Variants in ETV3L observed in about 807,000 individuals in gnomAD.
The protein encoded by ETV3L is ETS translocation variant 3-like protein.
Under a neutral mutation model 27.6 loss-of-function variants are expected in ETV3L, and 30 were observed. That is an observed-to-expected ratio of 1.09 (90% CI 0.81 to 1.48). ETV3L has a LOEUF of 1.48. ETV3L is among the 40% of genes most tolerant of loss of function. ETV3L has a pLI of 0.00. For missense variants in ETV3L, 443 were observed against 455.6 expected (o/e 0.97, Z 0.25); for synonymous variants, 186 against 188.9 (o/e 0.98, Z 0.12).
chr1:157,097,475 A>AAG (rs1425222415), intron 4 of ETV3L, among the ~76,000 whole-genome samples: 3 of 150,664 alleles, frequency 2.0e-5, no homozygotes, highest in Non-Finnish European at 4.4e-5. Context: ...CGTCTCAAAA[A>AAG]AAAAAAAAAA....
rs968936364 is a variant in ETV3L, at chr1:157,099,752, C to G, written c.-229G>C. On this transcript the variant is annotated 5_prime_UTR_variant, in exon 1 of 5. Coordinates refer to ENST00000454449, the MANE Select transcript of ETV3L (RefSeq NM_001004341.2). ...CCAGAGGCAGCAAGCTTCCCCATAC[C>G]CAGACAGGGCCCAGCCCCCTCTGGG... 11 of 596,014 alleles carry G rather than the reference C, an allele frequency of 1.8e-5. No homozygotes were observed. In the Admixed American group the frequency reaches 3.0e-4, roughly 16 times the overall value. 36.9% of individuals were successfully genotyped at this position (596,014 alleles called of 1,614,324 possible).
chr1:157,099,207 G>C lies in ETV3L; in HGVS notation c.230C>G (p.Ala77Gly). 1.2e-6 allele frequency: 2 copies of C among 1,613,890 alleles called. No individual in the cohort carries two copies. The highest frequency in any genetic ancestry group is 1.7e-6 in the Non-Finnish European group (2 of 1,179,942). ...GCATTTCCTGCGGCCCCAGAGGCGG[G>C]CCACCTCATCTGGATCCTTGATGAC... ...EFVIKDPDEV[A>G]RLWGRRKCKP... The change falls in exon 2 of 5, where the codon GCC becomes GGC. Residue 77 changes from alanine (A) to glycine (G), a missense_variant. Physicochemically the swap from Ala to Gly is moderately conservative, Grantham distance 60 (BLOSUM62 0). Transcript: ENST00000454449.
rs143530924 is a variant in ETV3L, at chr1:157,092,860, A to G, written c.875T>C (p.Leu292Pro). The stretch of plus-strand genomic sequence containing the variant: ...AAGCCTCTCACCCGCACCCTGTCCC[A>G]GCCCTGCCAAGAGAGGAAGCCCTGG... The part of the protein sequence containing the change: ...HFPGLPLLAG[L>P]GQGAGERLWL... Residue 292 changes from leucine to proline, a missense_variant, in exon 5 of 5, where the codon CTG becomes CCG. Leu to Pro is a moderately conservative substitution (Grantham distance 98, BLOSUM62 -3). Coordinates refer to ENST00000454449, the MANE Select transcript of ETV3L (RefSeq NM_001004341.2). 1.3e-5 allele frequency: 21 copies of G among 1,614,030 alleles called. No homozygotes were observed. In the African/African-American group the frequency reaches 2.8e-4, roughly 22 times the overall value.
At chr1:157,094,301 C>T (rs6687970) in intron 4 of ETV3L, among the ~76,000 whole-genome samples, 3 of 152,262 alleles carry the variant, frequency 2.0e-5, no homozygotes, top group South Asian at 4.1e-4. Context: ...TGACGGGAGG[C>T]CCAGGGCAGG....
chr1:157,097,776 G>T, intron 4 of ETV3L, 92 bp downstream of exon 4: 1 of 1,486,680 alleles, frequency 6.7e-7, no homozygotes. Flanking sequence ...AGTATCCCTT[G>T]TCTCATGCCC....
At chr1:157,095,742 C>T (rs946461681) in intron 4 of ETV3L, among the ~76,000 whole-genome samples, 4 of 152,096 alleles carry the variant, frequency 2.6e-5, no homozygotes, top group Admixed American at 2.0e-4. Context: ...CAGCGAGTCC[C>T]AGCAGGCCCT....
At position 157,099,185 on chromosome 1, in the gene ETV3L, T is replaced by C. The variant is rs140222573; in HGVS notation, c.252A>G (p.Lys84=). ...DEVARLWGRR[K]CKPQMNYDKL... The stretch of plus-strand genomic sequence containing the variant: ...TGTCATAATTCATCTGTGGTTTGCA[T>C]TTCCTGCGGCCCCAGAGGCGGGCCA... The change falls in exon 2 of 5, where the codon AAA becomes AAG. Residue 84 remains lysine, a synonymous_variant. Coordinates refer to ENST00000454449, the MANE Select transcript of ETV3L (RefSeq NM_001004341.2). 187 of 1,613,868 alleles carry C rather than the reference T, an allele frequency of 1.2e-4. 1 individual carries two copies. In the East Asian group the frequency reaches 3.9e-3, roughly 34 times the overall value.
rs1009701753 is a variant in ETV3L at position 157,098,826 on chromosome 1, G to A, written c.366C>T (p.Ser122=). The A allele has an allele frequency of 6.2e-7, 1 of 1,614,052 alleles. No individual in the cohort carries two copies. The highest frequency in any genetic ancestry group is 1.3e-5 in the African/African-American group (1 of 74,944). ...AAGGATAGTTGACTACGATGAGCTTGCTGAAGTTGAACTTGTATGTGAACC... is the reference window on the plus strand; with the variant it reads ...AAGGATAGTTGACTACGATGAGCTTACTGAAGTTGAACTTGTATGTGAACC... ...GKRFTYKFNF[S]KLIVVNYPLW... The change falls in exon 3 of 5, where the codon AGC becomes AGT. Residue 122 remains serine (S), a synonymous_variant. Transcript: ENST00000454449.
At chr1:157,097,470 CAAAAAAAA>C (rs150226645) in intron 4 of ETV3L, among the ~76,000 whole-genome samples, 1 of 102,900 alleles carries the variant, frequency 9.7e-6, no homozygotes, top group Non-Finnish European at 1.9e-5. Flanking sequence ...GACTCCGTCT[CAAAAAAAA>C]AAAAAAAAAA....
In ETV3L at chr1:157,092,369, C is replaced by T; in HGVS notation, c.*280G>A. On this transcript the variant is annotated 3_prime_UTR_variant, in exon 5 of 5. Coordinates refer to ENST00000454449, the MANE Select transcript of ETV3L (RefSeq NM_001004341.2). ...GTGGGCAGGATGGAAATTATAGAAACTTTATTCTCGTCTCCCTGAAGAAAA... is the reference window on the plus strand; with the variant it reads ...GTGGGCAGGATGGAAATTATAGAAATTTTATTCTCGTCTCCCTGAAGAAAA... 2.6e-6 allele frequency: 1 copy of T among 385,656 alleles called. No individual in the cohort carries two copies. 23.9% of individuals were successfully genotyped at this position (385,656 alleles called of 1,614,324 possible).
intron 4 of ETV3L, 60 bp from the exon 5 acceptor site, chr1:157,093,187 T>C: frequency 6.0e-6 from 7 of 1,169,354 alleles, no homozygotes; most frequent in Non-Finnish European, 2.3e-6. Context: ...TGCTCCTTGC[T>C]CCTCCCATTT....
chr1:157,098,124 T>C (rs1400082522), intron 3 of ETV3L, 136 bp from the exon 4 acceptor site: 2 of 975,066 alleles, frequency 2.1e-6, no homozygotes, highest in Admixed American at 7.0e-5. Flanking sequence ...TGAGTTGGAG[T>C]CTTGCTCTGT....
intron 3 of ETV3L, among the ~76,000 whole-genome samples, chr1:157,098,479 A>G (rs1571682445): frequency 6.6e-6 from 1 of 151,860 alleles, no homozygotes; most frequent in South Asian, 2.1e-4. Context: ...TCCACCCCTA[A>G]AGGAGTGGCG....
intron 4 of ETV3L, among the ~76,000 whole-genome samples, chr1:157,096,034 T>C (rs753708957): frequency 3.3e-5 from 5 of 152,212 alleles, no homozygotes; most frequent in Non-Finnish European, 7.4e-5. Flanking sequence ...TGGCCATGTG[T>C]TTCTGCACTG....
At position 157,092,714 on chromosome 1, in the gene ETV3L, C is replaced by T; in HGVS notation, c.1021G>A (p.Glu341Lys). The T allele has an allele frequency of 6.2e-7, 1 of 1,614,118 alleles. No homozygotes were observed. The highest frequency in any genetic ancestry group is 2.2e-5 in the East Asian group (1 of 44,880). ...AGATTGGGGGAAGTAAGGCTTTCCT[C>T]CCCAGTTTTGAGTCTGCGGGTCTCT... is the stretch of plus-strand genomic sequence containing the variant. ...CPETRRLKTG[E>K]ESLTSPNLEN... The change falls in exon 5 of 5, where the codon GAG becomes AAG. Residue 341 changes from glutamate (E) to lysine (K), a missense_variant. Transcript: ENST00000454449.
At chr1:157,097,259 G>C (rs1000074639) in intron 4 of ETV3L, among the ~76,000 whole-genome samples, 1 of 151,854 alleles carries the variant, frequency 6.6e-6, no homozygotes, top group Non-Finnish European at 1.5e-5. Flanking sequence ...GATCACCTGA[G>C]GTCAGGAGTT....
intron 4 of ETV3L, among the ~76,000 whole-genome samples, chr1:157,095,126 C>T (rs1674195554): frequency 6.6e-6 from 1 of 152,054 alleles, no homozygotes; most frequent in Admixed American, 6.6e-5. Flanking sequence ...GAGGTGGAGA[C>T]TGCTGTTGCA....
At position 157,099,714 on chromosome 1, in the gene ETV3L, G is replaced by A. The variant is rs1380515245; in HGVS notation, c.-191C>T. ...AGGGACAAGAGGTTGCCAGTGAAGG[G>A]GAGAAAAGGGAACCAGAGGCAGCAA... On this transcript the variant is annotated 5_prime_UTR_variant, in exon 1 of 5. Coordinates refer to ENST00000454449, the MANE Select transcript of ETV3L (RefSeq NM_001004341.2). 1.6e-6 allele frequency: 1 copy of A among 621,794 alleles called. No homozygotes were observed. The highest frequency in any genetic ancestry group is 2.0e-5 in the South Asian group (1 of 49,984). The allele number at this position is 621,794 out of a possible 1,614,324, so 38.5% of individuals were successfully genotyped here.
intron 3 of ETV3L, among the ~76,000 whole-genome samples, chr1:157,098,277 T>C (rs1480892992): frequency 1.3e-5 from 2 of 152,078 alleles, no homozygotes; most frequent in Admixed American, 6.5e-5. Context: ...TATATTTTTA[T>C]TGGAGATGGG....
Sources: allele counts gnomAD v4.1 joint callset (sites outside exome capture counted in the v4.1 genomes callset), GRCh38; gene constraint gnomAD v4.1.1; transcripts MANE v1.5; gene names NCBI Gene and HGNC (gene_info 2026-07-23, HGNC 2026-07-21).